CRABP1: variants seen among roughly 807,000 people sequenced by gnomAD.
CRABP1 encodes cellular retinoic acid-binding protein 1.
In CRABP1, 9 loss-of-function variants were observed where a neutral mutation model predicts 16.4. The ratio of observed to expected loss-of-function variants is 0.55; its 90% confidence interval spans 0.33 to 0.96. CRABP1 has a LOEUF of 0.96. CRABP1 is among the 40% of genes least tolerant of loss of function. The pLI is 0.03. For missense variants in CRABP1, 157 were observed against 186.0 expected (o/e 0.84, Z 0.91); for synonymous variants, 72 against 70.4 (o/e 1.02, Z -0.11).
chr15:78,343,791 G>T (rs1440189935), intron 3 of CRABP1, among the ~76,000 whole-genome samples, 179 bp downstream of exon 3: 1 of 152,228 alleles, frequency 6.6e-6, no homozygotes, highest in Non-Finnish European at 1.5e-5. Flanking sequence ...ATTGTTAAAT[G>T]GTTGGCAGGA....
intron 1 of CRABP1, 83 bp downstream of exon 1, chr15:78,340,581 G>C (rs1367019854): frequency 5.3e-6 from 8 of 1,503,592 alleles, no homozygotes; most frequent in Middle Eastern, 2.3e-4. Flanking sequence ...GGTCCTGGAG[G>C]GGGTGGAAGT....
At chr15:78,340,598 G>A (rs1226912461) in intron 1 of CRABP1, 100 bp downstream of exon 1, 2 of 1,386,386 alleles carry the variant, frequency 1.4e-6, no homozygotes, top group African/African-American at 1.4e-5. Flanking sequence ...AAGTTGGGGA[G>A]CCCAGGCAGG....
chr15:78,347,731 G>A (rs1201462236), intron 3 of CRABP1, 196 bp from the exon 4 acceptor site: 1 of 579,194 alleles, frequency 1.7e-6, no homozygotes, highest in Non-Finnish European at 3.0e-6. Context: ...TCTATACTCT[G>A]GTTACCTCTT....
chr15:78,347,579 G>A (rs558181784), intron 3 of CRABP1, among the ~76,000 whole-genome samples: 2 of 152,280 alleles, frequency 1.3e-5, no homozygotes, highest in Non-Finnish European at 2.9e-5. Context: ...GAAGTCATTT[G>A]AAAAGAGACA....
Position 78,343,601 on chromosome 15 carries a change from G to A in CRABP1, c.352G>A (p.Glu118Lys). ...TYWTRELANDELILTFGADDV... is the reference protein window; with the variant it reads ...TYWTRELANDKLILTFGADDV... ...CTGGACCCGTGAGCTGGCCAACGAT[G>A]AACTTATCCTGGTAGGGAACCCTTG... The change falls in exon 3 of 4, where the codon GAA becomes AAA. Residue 118 changes from glutamate (E) to lysine (K), a missense_variant. Glu to Lys is a moderately conservative substitution (Grantham distance 56, BLOSUM62 1). Coordinates refer to ENST00000299529, the MANE Select transcript of CRABP1 (RefSeq NM_004378.3). The A allele has an allele frequency of 1.2e-6, 2 of 1,614,082 alleles. No individual in the cohort carries two copies. Among genetic ancestry groups the A allele is most frequent in the Non-Finnish European group, 8.5e-7 (1 of 1,179,960 alleles).
chr15:78,343,434 A>AT (rs1555444293), intron 2 of CRABP1, 65 bp from the exon 3 acceptor site: 1 of 1,264,774 alleles, frequency 7.9e-7, no homozygotes, highest in Non-Finnish European at 1.1e-6. Context: ...TTCAATGCTC[A>AT]TTGTTGTCCC....
Position 78,347,916 on chromosome 15 carries a change from C to T in CRABP1, c.364-11C>T. On this transcript the variant is annotated splice_polypyrimidine_tract_variant and intron_variant, in intron 3 of 3. Coordinates refer to ENST00000299529, the MANE Select transcript of CRABP1 (RefSeq NM_004378.3). The stretch of plus-strand genomic sequence containing the variant: ...TGCACTGATTGGTTTTCCTTTTCTT[C>T]TTCTCTGCAGACGTTTGGCGCCGAT... The T allele has an allele frequency of 6.2e-7, 1 of 1,614,030 alleles. No individual in the cohort carries two copies. Among genetic ancestry groups the T allele is most frequent in the Non-Finnish European group, 8.5e-7 (1 of 1,179,992 alleles).
At chr15:78,345,458 T>C (rs926153046) in intron 3 of CRABP1, among the ~76,000 whole-genome samples, 1 of 152,052 alleles carries the variant, frequency 6.6e-6, no homozygotes, top group Non-Finnish European at 1.5e-5. Context: ...GGCTGAGACA[T>C]GGAAATTTAG....
At position 78,341,184 on chromosome 15, in the gene CRABP1, G is replaced by C; in HGVS notation, c.212G>C (p.Gly71Ala). The change falls in exon 2 of 4, where the codon GGC becomes GCC. Residue 71 changes from glycine to alanine, a missense_variant. Physicochemically the swap from Gly to Ala is moderately conservative, Grantham distance 60 (BLOSUM62 0). Coordinates refer to ENST00000299529, the MANE Select transcript of CRABP1 (RefSeq NM_004378.3). This position sits in a 1 kb window ranked among gnomAD's most constrained non-coding sequence, Gnocchi z 5.3. ...GAGATCAACTTCAAGGTCGGAGAAG[G>C]CTTTGAGGAGGAGACCGTGGACGGA... Reference protein sequence around the residue: ...TTEINFKVGEGFEEETVDGRK... With the variant: ...TTEINFKVGEAFEEETVDGRK... 2 of 1,612,644 alleles carry C rather than the reference G, an allele frequency of 1.2e-6. No homozygotes were observed. Among genetic ancestry groups the C allele is most frequent in the Non-Finnish European group, 8.5e-7 (1 of 1,179,474 alleles).
chr15:78,344,360 T>TGAGGCAGGA (rs2050252820), intron 3 of CRABP1, among the ~76,000 whole-genome samples: 1 of 151,932 alleles, frequency 6.6e-6, no homozygotes. Context: ...CTCGGGAAGC[T>TGAGGCAGGA]GAGGCAGGAG....
chr15:78,348,209 G>T lies in CRABP1; in HGVS notation c.*232G>T. 1 of 555,936 alleles carries T rather than the reference G, an allele frequency of 1.8e-6. No homozygotes were observed. Among genetic ancestry groups the T allele is most frequent in the Non-Finnish European group, 3.2e-6 (1 of 314,966 alleles). 34.4% of individuals were successfully genotyped at this position (555,936 alleles called of 1,614,324 possible). ...TGCACGGTTTCGAAGTCATTAAACT[G>T]GTTAGACGTGTCTCAACCTTTTCCC... is the stretch of plus-strand genomic sequence containing the variant. On this transcript the variant is annotated 3_prime_UTR_variant, in exon 4 of 4. Coordinates refer to ENST00000299529, the MANE Select transcript of CRABP1 (RefSeq NM_004378.3).
Position 78,341,422 on chromosome 15 carries a change from A to C in CRABP1, c.249+201A>C. 1.6e-6 allele frequency: 1 copy of C among 628,574 alleles called. No individual in the cohort carries two copies. Among genetic ancestry groups the C allele is most frequent in the Non-Finnish European group, 2.9e-6 (1 of 346,862 alleles). 38.9% of individuals were successfully genotyped at this position (628,574 alleles called of 1,614,324 possible). ...CAAAGTATTACCTTCATTCCATCTCAACCCCATCCCTACGCTGCCTCCCGG... is the reference window on the plus strand; with the variant it reads ...CAAAGTATTACCTTCATTCCATCTCCACCCCATCCCTACGCTGCCTCCCGG... On this transcript the variant is annotated intron_variant, in intron 2 of 3. Transcript: ENST00000299529. This position sits in a 1 kb window ranked among gnomAD's most constrained non-coding sequence, Gnocchi z 5.3.
rs1406142792 is a variant in CRABP1 at position 78,341,125 on chromosome 15, C to T, written c.153C>T (p.Phe51=). 5.6e-6 allele frequency: 9 copies of T among 1,613,082 alleles called. No homozygotes were observed. The highest frequency in any genetic ancestry group is 1.3e-5 in the African/African-American group (1 of 75,014). The change falls in exon 2 of 4, where the codon TTC becomes TTT. Residue 51 remains phenylalanine, a synonymous_variant. Coordinates refer to ENST00000299529, the MANE Select transcript of CRABP1 (RefSeq NM_004378.3). This position sits in a 1 kb window ranked among gnomAD's most constrained non-coding sequence, Gnocchi z 5.3. ...HVEIRQDGDQ[F]YIKTSTTVRT... ...AGATCCGCCAGGACGGGGATCAGTT[C>T]TACATCAAGACATCCACCACGGTGC...
chr15:78,347,878 T>A (rs374882630), intron 3 of CRABP1, 49 bp from the exon 4 acceptor site: 4 of 1,588,730 alleles, frequency 2.5e-6, no homozygotes, highest in Non-Finnish European at 3.5e-6. Context: ...TTAAACATTT[T>A]TGCACAGGCA....
intron 2 of CRABP1, among the ~76,000 whole-genome samples, chr15:78,343,179 A>C (rs1391781318): frequency 6.6e-6 from 1 of 152,226 alleles, no homozygotes; most frequent in Non-Finnish European, 1.5e-5. Flanking sequence ...ATTTTTATAT[A>C]AATGAATCAT....
At position 78,341,596 on chromosome 15, in the gene CRABP1, C is replaced by T; in HGVS notation, c.249+375C>T. ...GCCAGGTTCTCTGTCGCAGGTGAAG[C>T]CGCAGCTCTTGCATTCCTTTCCCGC... On this transcript the variant is annotated intron_variant, in intron 2 of 3. Coordinates refer to ENST00000299529, the MANE Select transcript of CRABP1 (RefSeq NM_004378.3). The surrounding 1 kb of genome is among the most constrained non-coding windows in gnomAD (Gnocchi z 5.3). The T allele has an allele frequency of 3.2e-6, 1 of 313,184 alleles. No homozygotes were observed. Among genetic ancestry groups the T allele is most frequent in the Non-Finnish European group, 6.2e-6 (1 of 160,080 alleles). The allele number at this position is 313,184 out of a possible 1,614,324, so 19.4% of individuals were successfully genotyped here.
intron 2 of CRABP1, among the ~76,000 whole-genome samples, chr15:78,342,337 A>G (rs2050240012): frequency 6.6e-6 from 1 of 152,146 alleles, no homozygotes; most frequent in South Asian, 2.1e-4. Flanking sequence ...GTCTGGGGAC[A>G]TCCAATGTTG....
At chr15:78,343,125 T>C (rs1339249797) in intron 2 of CRABP1, among the ~76,000 whole-genome samples, 1 of 151,570 alleles carries the variant, frequency 6.6e-6, no homozygotes, top group African/African-American at 2.4e-5. Context: ...AAAAAAAAAA[T>C]GAATAAAAAT....
chr15:78,343,526 A>C lies in CRABP1; in HGVS notation c.277A>C (p.Lys93Gln). 6.2e-7 allele frequency: 1 copy of C among 1,614,194 alleles called. No individual in the cohort carries two copies. Among genetic ancestry groups the C allele is most frequent in the East Asian group, 2.2e-5 (1 of 44,884 alleles). Residue 93 changes from lysine to glutamine, a missense_variant, in exon 3 of 4, where the codon AAG becomes CAG. Physicochemically the swap from Lys to Gln is moderately conservative, Grantham distance 53. Transcript: ENST00000299529. ...RSLATWENEN[K>Q]IHCTQTLLEG... ...TTTAGCCACTTGGGAGAATGAGAAC[A>C]AGATCCACTGCACGCAAACTCTTCT...
Sources: allele counts gnomAD v4.1 joint callset (sites outside exome capture counted in the v4.1 genomes callset), GRCh38; gene constraint gnomAD v4.1.1; non-coding constraint Gnocchi (gnomAD v3.1); transcripts MANE v1.5; gene names NCBI Gene and HGNC (gene_info 2026-07-23, HGNC 2026-07-21).